Variants in GPX8 observed in about 807,000 individuals in gnomAD.
The protein encoded by GPX8 is protein peroxidase GPX8.
A neutral mutation model predicts 17.8 loss-of-function variants in GPX8; 12 were observed. That is an observed-to-expected ratio of 0.67 (90% CI 0.43 to 1.09). The LOEUF is 1.09. GPX8 is among the 50% of genes least tolerant of loss of function. GPX8 has a pLI of 0.00. For missense variants in GPX8, 209 were observed against 235.6 expected (o/e 0.89, Z 0.74); for synonymous variants, 86 against 88.1 (o/e 0.98, Z 0.14).
Position 55,160,368 on chromosome 5 carries a change from C to T in GPX8, c.176C>T (p.Thr59Ile), listed in dbSNP as rs915747215. 10 of 1,612,700 alleles carry T rather than the reference C, an allele frequency of 6.2e-6. No individual in the cohort carries two copies. Among genetic ancestry groups the T allele is most frequent in the Non-Finnish European group, 6.8e-6 (8 of 1,179,858 alleles). The stretch of plus-strand genomic sequence containing the variant: ...GAAGTGAAGGATGCAAAAGGAAGAA[C>T]TGTTTCTCTGGAAAAGTATAAAGGC... ...AFEVKDAKGR[T>I]VSLEKYKGKV... The change falls in exon 1 of 3, where the codon ACT becomes ATT. Residue 59 changes from threonine to isoleucine, a missense_variant. Transcript: ENST00000503787.
In GPX8 at chr5:55,164,284, A is replaced by ATTT; in HGVS notation, c.*74_*76dup. 1 of 1,145,066 alleles carries ATTT rather than the reference A, an allele frequency of 8.7e-7. No individual in the cohort carries two copies. 70.9% of individuals were successfully genotyped at this position (1,145,066 alleles called of 1,614,324 possible). ...ATGAGGGTTTGGTCTCATTTTAAAC[A>ATTT]TTTTTTTTTTGGAGACAGTGTCTCA... On this transcript the variant is annotated 3_prime_UTR_variant, in exon 3 of 3. Coordinates refer to ENST00000503787, the MANE Select transcript of GPX8 (RefSeq NM_001008397.4).
intron 2 of GPX8, 60 bp from the exon 3 acceptor site, chr5:55,163,995 A>T: frequency 8.0e-7 from 1 of 1,249,276 alleles, no homozygotes; most frequent in South Asian, 1.7e-5. Flanking sequence ...TACTAATAGA[A>T]GTGAAAATCT....
Position 55,161,113 on chromosome 5 carries a change from C to T in GPX8, c.324C>T (p.Cys108=). 2 of 1,614,066 alleles carry T rather than the reference C, an allele frequency of 1.2e-6. No individual in the cohort carries two copies. Among genetic ancestry groups the T allele is most frequent in the Non-Finnish European group, 1.7e-6 (2 of 1,179,972 alleles). The change falls in exon 2 of 3, where the codon TGC becomes TGT. Residue 108 remains cysteine, a synonymous_variant. Transcript: ENST00000503787. ...PSHFSVLAFP[C]NQFGESEPRP... ...ACTTCAGCGTGTTGGCTTTTCCCTG[C>T]AATCAGTTTGGAGAATCGGAGCCCC...
Position 55,164,329 on chromosome 5 carries a change from G to A in GPX8, c.*111G>A. 3.0e-6 allele frequency: 2 copies of A among 671,438 alleles called. No homozygotes were observed. Among genetic ancestry groups the A allele is most frequent in the African/African-American group, 1.8e-5 (1 of 54,344 alleles). The allele number at this position is 671,438 out of a possible 1,614,324, so 41.6% of individuals were successfully genotyped here. Reference sequence around the variant, plus strand: ...GTCTCACTCTGTCACCCAGGCTGGAGTGCAGTAGTGCGTTCTCAGCTCATT... The same window carrying A: ...GTCTCACTCTGTCACCCAGGCTGGAATGCAGTAGTGCGTTCTCAGCTCATT... On this transcript the variant is annotated 3_prime_UTR_variant, in exon 3 of 3. Coordinates refer to ENST00000503787, the MANE Select transcript of GPX8 (RefSeq NM_001008397.4).
Position 55,164,314 on chromosome 5 carries a change from G to T in GPX8, c.*96G>T. 1 of 907,876 alleles carries T rather than the reference G, an allele frequency of 1.1e-6. No individual in the cohort carries two copies. The allele number at this position is 907,876 out of a possible 1,614,324, so 56.2% of individuals were successfully genotyped here. On this transcript the variant is annotated 3_prime_UTR_variant, in exon 3 of 3. Transcript: ENST00000503787. Reference sequence around the variant, plus strand: ...TTTTTTGGAGACAGTGTCTCACTCTGTCACCCAGGCTGGAGTGCAGTAGTG... The same window carrying T: ...TTTTTTGGAGACAGTGTCTCACTCTTTCACCCAGGCTGGAGTGCAGTAGTG...
chr5:55,164,331 G>A lies in GPX8; in HGVS notation c.*113G>A, dbSNP rs144376943. On this transcript the variant is annotated 3_prime_UTR_variant, in exon 3 of 3. Transcript: ENST00000503787. ...CTCACTCTGTCACCCAGGCTGGAGT[G>A]CAGTAGTGCGTTCTCAGCTCATTGC... 1.5e-3 allele frequency: 1,013 copies of A among 655,962 alleles called. 9 individuals are homozygous for A. In the African/African-American group the frequency reaches 0.017, roughly 11 times the overall value. 40.6% of individuals were successfully genotyped at this position (655,962 alleles called of 1,614,324 possible). A position where few individuals can be genotyped will look rare whatever the true frequency, so the allele number is the denominator to read the frequency against.
chr5:55,161,696 T>C lies in GPX8; in HGVS notation c.466+441T>C, dbSNP rs536130546. Among the ~76,000 whole-genome samples, 4 of 152,362 alleles carry C rather than the reference T, an allele frequency of 2.6e-5. No individual in the cohort carries two copies. The East Asian group carries it at 7.7e-4, about 29-fold the overall frequency. ...GTTGTCTTTCTTATCTGAAACAATA[T>C]TCTCAAAGATGAATATGTCAGCTTA... On this transcript the variant is annotated intron_variant, in intron 2 of 2. Transcript: ENST00000503787.
At position 55,161,155 on chromosome 5, in the gene GPX8, A is replaced by G; in HGVS notation, c.366A>G (p.Val122=). The change falls in exon 2 of 3, where the codon GTA becomes GTG. Residue 122 remains valine, a synonymous_variant. Coordinates refer to ENST00000503787, the MANE Select transcript of GPX8 (RefSeq NM_001008397.4). ...GESEPRPSKE[V]ESFARKNYGV... Reference sequence around the variant, plus strand: ...CGGAGCCCCGCCCAAGCAAGGAAGTAGAATCTTTTGCAAGAAAAAACTACG... The same window carrying G: ...CGGAGCCCCGCCCAAGCAAGGAAGTGGAATCTTTTGCAAGAAAAAACTACG... 1 of 1,614,256 alleles carries G rather than the reference A, an allele frequency of 6.2e-7. No homozygotes were observed. Among genetic ancestry groups the G allele is most frequent in the South Asian group, 1.1e-5 (1 of 91,092 alleles).
At chr5:55,163,564 T>C (rs1561305014) in intron 2 of GPX8, among the ~76,000 whole-genome samples, 1 of 152,028 alleles carries the variant, frequency 6.6e-6, no homozygotes, top group Non-Finnish European at 1.5e-5. Flanking sequence ...TGGAGGGCAG[T>C]GGTGTGGTCT....
chr5:55,161,175 A>G lies in GPX8; in HGVS notation c.386A>G (p.Asn129Ser). The G allele has an allele frequency of 6.2e-7, 1 of 1,614,156 alleles. No individual in the cohort carries two copies. Among genetic ancestry groups the G allele is most frequent in the Admixed American group, 1.7e-5 (1 of 60,012 alleles). ...SKEVESFARKNYGVTFPIFHK... is the reference protein window; with the variant it reads ...SKEVESFARKSYGVTFPIFHK... ...GAAGTAGAATCTTTTGCAAGAAAAA[A>G]CTACGGAGTAACTTTCCCCATCTTC... The change falls in exon 2 of 3, where the codon AAC becomes AGC. Residue 129 changes from asparagine (N) to serine (S), a missense_variant. By Grantham distance (46) the Asn-to-Ser change is conservative (BLOSUM62 1). Coordinates refer to ENST00000503787, the MANE Select transcript of GPX8 (RefSeq NM_001008397.4).
intron 2 of GPX8, among the ~76,000 whole-genome samples, chr5:55,161,569 A>T (rs1744065499): frequency 6.6e-6 from 1 of 152,200 alleles, no homozygotes; most frequent in Non-Finnish European, 1.5e-5. Context: ...CTCTCTTGTA[A>T]CTAGCATCTG....
In GPX8 at chr5:55,160,175, C is replaced by G. The variant is rs1335887691; in HGVS notation, c.-18C>G. The G allele has an allele frequency of 6.3e-7, 1 of 1,599,600 alleles. No individual in the cohort carries two copies. Among genetic ancestry groups the G allele is most frequent in the Non-Finnish European group, 8.6e-7 (1 of 1,167,156 alleles). ...TTGAATTCCAGGCTGCTGAGACTTC[C>G]CTCTAGAATCCTCCAACATGGAGCC... On this transcript the variant is annotated 5_prime_UTR_variant, in exon 1 of 3. Transcript: ENST00000503787.
Position 55,161,271 on chromosome 5 carries a change from G to A in GPX8, c.466+16G>A. On this transcript the variant is annotated intron_variant, in intron 2 of 2. Transcript: ENST00000503787. ...TTTCTTGTTGGTAAATATCTGCCTT[G>A]CATATGCTGTTTTAAATTGCTTTTC... The A allele has an allele frequency of 6.2e-7, 1 of 1,605,938 alleles. No individual in the cohort carries two copies. The highest frequency in any genetic ancestry group is 1.7e-5 in the Admixed American group (1 of 59,162).
chr5:55,165,456 T>C lies in GPX8; in HGVS notation c.*1238T>C, dbSNP rs1744331151. On this transcript the variant is annotated 3_prime_UTR_variant, in exon 3 of 3. Coordinates refer to ENST00000503787, the MANE Select transcript of GPX8 (RefSeq NM_001008397.4). ...TAAGAAGAAAAAGACCCAATTTAAG[T>C]AGTCTGTGACTTGACTCCCAAATTC... 2 of 152,248 alleles carry C rather than the reference T, an allele frequency of 1.3e-5. No homozygotes were observed. Among genetic ancestry groups the C allele is most frequent in the African/African-American group, 4.8e-5 (2 of 41,474 alleles). 9.4% of individuals were successfully genotyped at this position (152,248 alleles called of 1,614,324 possible).
chr5:55,163,566 G>A (rs1007059786), intron 2 of GPX8, among the ~76,000 whole-genome samples: 13 of 151,848 alleles, frequency 8.6e-5, no homozygotes, highest in Non-Finnish European at 1.6e-4. Context: ...GAGGGCAGTG[G>A]TGTGGTCTCA....
At chr5:55,163,950 C>T (rs1744232642) in intron 2 of GPX8, 105 bp from the exon 3 acceptor site, 2 of 854,522 alleles carry the variant, frequency 2.3e-6, no homozygotes, top group South Asian at 2.6e-5. Context: ...TATGACAGTC[C>T]TAGAACTTGA....
rs1193920775 is a variant in GPX8 at position 55,161,069 on chromosome 5, A to G, written c.280A>G (p.Lys94Glu). The G allele has an allele frequency of 1.2e-6, 2 of 1,614,184 alleles. No homozygotes were observed. Among genetic ancestry groups the G allele is most frequent in the South Asian group, 1.1e-5 (1 of 91,086 alleles). ...TTACTTAGGGCTGAAGGAACTGCACAAAGAGTTTGGACCATCCCACTTCAG... is the reference window on the plus strand; with the variant it reads ...TTACTTAGGGCTGAAGGAACTGCACGAAGAGTTTGGACCATCCCACTTCAG... ...RNYLGLKELHKEFGPSHFSVL... is the reference protein window; with the variant it reads ...RNYLGLKELHEEFGPSHFSVL... The change falls in exon 2 of 3, where the codon AAA (lysine) becomes GAA (glutamate). Residue 94 changes from lysine to glutamate, a missense_variant. Lys to Glu is a moderately conservative substitution (Grantham distance 56). Transcript: ENST00000503787.
At chr5:55,162,695 A>T (rs1025724001) in intron 2 of GPX8, among the ~76,000 whole-genome samples, 5 of 152,262 alleles carry the variant, frequency 3.3e-5, no homozygotes, top group African/African-American at 1.2e-4. Flanking sequence ...TCCACTGAGG[A>T]AAGAAAAGCC....
chr5:55,164,323 G>C lies in GPX8; in HGVS notation c.*105G>C. On this transcript the variant is annotated 3_prime_UTR_variant, in exon 3 of 3. Coordinates refer to ENST00000503787, the MANE Select transcript of GPX8 (RefSeq NM_001008397.4). ...GACAGTGTCTCACTCTGTCACCCAG[G>C]CTGGAGTGCAGTAGTGCGTTCTCAG... 1.3e-6 allele frequency: 1 copy of C among 784,812 alleles called. No homozygotes were observed. The highest frequency in any genetic ancestry group is 3.7e-5 in the South Asian group (1 of 27,254). The allele number at this position is 784,812 out of a possible 1,614,324, so 48.6% of individuals were successfully genotyped here.
Sources: gnomAD v4.1 joint callset for allele counts (sites outside exome capture counted in the v4.1 genomes callset) on GRCh38, gnomAD v4.1.1 for gene constraint, MANE v1.5 for transcripts, NCBI Gene and HGNC (gene_info 2026-07-23, HGNC 2026-07-21) for gene names.